Variants in AGPS observed in about 807,000 individuals in gnomAD.
AGPS encodes alkyldihydroxyacetonephosphate synthase, peroxisomal.
Under a neutral mutation model 90.7 loss-of-function variants are expected in AGPS, and 26 were observed. The observed-to-expected ratio is 0.29, with a 90% CI of 0.21 to 0.40. The LOEUF (loss-of-function observed/expected upper bound fraction) is 0.40. Ranked by LOEUF, AGPS falls within the 10% of genes least tolerant of loss-of-function variation. The pLI, the probability that AGPS is intolerant of heterozygous loss-of-function variation, is 1.00. For synonymous variants in AGPS, 294 were observed against 285.3 expected, an observed-to-expected ratio of 1.03 and a Z score of -0.31; for missense variants, 540 against 816.1, an observed-to-expected ratio of 0.66 and a Z score of 4.12.
intron 2 of AGPS, among the ~76,000 whole-genome samples, chr2:177,430,217 C>T (rs758899234): frequency 2.6e-5 from 4 of 152,232 alleles, no homozygotes; most frequent in Non-Finnish European, 4.4e-5. Flanking sequence ...ACTCATCCAT[C>T]TCAGGCAGTC....
intron 8 of AGPS, among the ~76,000 whole-genome samples, chr2:177,459,257 A>G (rs951264290): frequency 7.9e-5 from 12 of 152,250 alleles, no homozygotes; most frequent in African/African-American, 2.7e-4. Flanking sequence ...GGACATAGGC[A>G]TGGGCAAAGA....
intron 2 of AGPS, among the ~76,000 whole-genome samples, chr2:177,427,299 C>T (rs935890684): frequency 6.6e-6 from 1 of 151,962 alleles, no homozygotes; most frequent in African/African-American, 2.4e-5. Context: ...TTCAAAAAAC[C>T]AGCTCCTGGA....
intron 1 of AGPS, among the ~76,000 whole-genome samples, chr2:177,404,042 G>A (rs1467534795): frequency 6.6e-6 from 1 of 152,196 alleles, no homozygotes; most frequent in African/African-American, 2.4e-5. Context: ...AATAAGGAAC[G>A]ATTGCTTGTT....
In AGPS at chr2:177,495,893, G is replaced by A. The variant is rs184360891; in HGVS notation, c.1286-1796G>A. 2.4e-3 allele frequency among the ~76,000 whole-genome samples: 325 copies of A among 134,554 alleles called. 2 individuals carry two copies. The highest frequency in any genetic ancestry group is 8.0e-3 in the African/African-American group (288 of 35,788). The allele number at this position is 134,554 out of a possible 152,430, so 88.3% of individuals were successfully genotyped here. On this transcript the variant is annotated intron_variant, in intron 12 of 19. Transcript: ENST00000264167. ...AGATCACACCACTACTCTCCAGCCT[G>A]GGTGACACAGTGAGACTCTGTCTCA...
chr2:177,542,350 G>A lies in AGPS; in HGVS notation c.*4155G>A, dbSNP rs1408672829. The stretch of plus-strand genomic sequence containing the variant: ...CTATGAACCTGAAGCACTCCCTTTT[G>A]AACCTTGGAAGATCCTCAAAGAGTG... On this transcript the variant is annotated 3_prime_UTR_variant, in exon 20 of 20. Coordinates refer to ENST00000264167, the MANE Select transcript of AGPS (RefSeq NM_003659.4). The A allele has an allele frequency of 6.6e-6, 1 of 152,056 alleles. No individual in the cohort carries two copies. Among genetic ancestry groups the A allele is most frequent in the African/African-American group, 2.4e-5 (1 of 41,406 alleles). The allele number at this position is 152,056 out of a possible 1,614,324, so 9.4% of individuals were successfully genotyped here. A position where few individuals can be genotyped will look rare whatever the true frequency, so the allele number is the denominator to read the frequency against.
chr2:177,402,861 G>A (rs1415590436), intron 1 of AGPS, among the ~76,000 whole-genome samples: 5 of 151,994 alleles, frequency 3.3e-5, no homozygotes, highest in South Asian at 2.1e-4. Flanking sequence ...GTTCAAGACC[G>A]GCCTGACTAA....
chr2:177,519,664 C>G (rs953210706), intron 17 of AGPS, among the ~76,000 whole-genome samples: 2 of 152,006 alleles, frequency 1.3e-5, no homozygotes, highest in Admixed American at 1.3e-4. Flanking sequence ...TTTTTCTACC[C>G]AGAATCTTTA....
At chr2:177,434,943 T>C (rs1291846111) in intron 3 of AGPS, among the ~76,000 whole-genome samples, 2 of 149,030 alleles carry the variant, frequency 1.3e-5, no homozygotes, top group Non-Finnish European at 3.0e-5. Context: ...GATTTTAGTT[T>C]GTTCATGTAG....
rs899422917 is a variant in AGPS, at chr2:177,491,013, G to A, written c.1234-2135G>A. Among the ~76,000 whole-genome samples, 14 of 151,626 alleles carry A rather than the reference G, an allele frequency of 9.2e-5. No homozygotes were observed. The South Asian group carries it at 1.0e-3, about 11-fold the overall frequency. ...TGGGATTACAGGCATGCACCACCAC[G>A]GCTGGGTAATACTGTATTTTTAGTA... On this transcript the variant is annotated intron_variant, in intron 11 of 19. Transcript: ENST00000264167.
chr2:177,413,772 G>A (rs1201115263), intron 1 of AGPS, among the ~76,000 whole-genome samples: 2 of 152,182 alleles, frequency 1.3e-5, no homozygotes, highest in South Asian at 2.1e-4. Context: ...AGAATGGCAG[G>A]TACCAAGCTT....
intron 1 of AGPS, among the ~76,000 whole-genome samples, chr2:177,397,583 A>G (rs1016214361): frequency 2.6e-5 from 4 of 152,026 alleles, no homozygotes; most frequent in African/African-American, 7.3e-5. Context: ...CTTTGGCTCC[A>G]ACCTCATTGT....
chr2:177,513,225 G>A (rs1688930998), intron 16 of AGPS, among the ~76,000 whole-genome samples: 2 of 152,064 alleles, frequency 1.3e-5, no homozygotes, highest in African/African-American at 4.8e-5. Context: ...CTCCTGAGTA[G>A]CTGGGACTGC....
chr2:177,435,021 A>ATATATATATATG (rs1386186429), intron 3 of AGPS, among the ~76,000 whole-genome samples: 13 of 146,980 alleles, frequency 8.8e-5, no homozygotes, highest in African/African-American at 3.0e-4. Flanking sequence ...ATATATATAT[A>ATATATATATATG]TATGTATGAA....
intron 15 of AGPS, among the ~76,000 whole-genome samples, chr2:177,507,216 T>C (rs79194368): frequency 0.021 from 3,259 of 152,156 alleles, 74 homozygotes; most frequent in South Asian, 0.056. Context: ...TGGGTTGAAA[T>C]GACTCATTTT....
intron 2 of AGPS, among the ~76,000 whole-genome samples, chr2:177,424,204 C>T (rs1345291990): frequency 6.6e-6 from 1 of 152,144 alleles, no homozygotes; most frequent in African/African-American, 2.4e-5. Flanking sequence ...TAAGTGAGAA[C>T]ATGCGGTGTT....
intron 2 of AGPS, among the ~76,000 whole-genome samples, chr2:177,433,976 G>A (rs1381613175): frequency 6.6e-6 from 1 of 152,230 alleles, no homozygotes; most frequent in East Asian, 1.9e-4. Context: ...CAGGAAGACT[G>A]TAAATTTTCA....
intron 17 of AGPS, among the ~76,000 whole-genome samples, chr2:177,518,295 G>C (rs1373952844): frequency 6.6e-6 from 1 of 152,036 alleles, no homozygotes; most frequent in African/African-American, 2.4e-5. Flanking sequence ...AATTAGCCAG[G>C]TGTGGTGGCA....
intron 16 of AGPS, among the ~76,000 whole-genome samples, chr2:177,509,019 T>G (rs1165422010): frequency 1.3e-5 from 2 of 152,210 alleles, no homozygotes; most frequent in African/African-American, 4.8e-5. Flanking sequence ...ACTTTAAATC[T>G]ACAATGAAGT....
chr2:177,418,062 T>C (rs1685837459), intron 1 of AGPS, among the ~76,000 whole-genome samples: 1 of 152,132 alleles, frequency 6.6e-6, no homozygotes, highest in African/African-American at 2.4e-5. Flanking sequence ...ATAAATGCAT[T>C]CCAAATGCCT....
Sources: gnomAD v4.1 joint callset for allele counts (sites outside exome capture counted in the v4.1 genomes callset) on GRCh38, gnomAD v4.1.1 for gene constraint, MANE v1.5 for transcripts, NCBI Gene and HGNC (gene_info 2026-07-23, HGNC 2026-07-21) for gene names.